The following GFM2 variants were observed in gnomAD, a reference collection of about 807,000 sequenced individuals.
GFM2 encodes the protein ribosome-releasing factor 2, mitochondrial.
GFM2 carries 72 observed loss-of-function variants against 95.4 expected under a neutral mutation model. The observed-to-expected ratio is 0.76, with a 90% CI of 0.62 to 0.92. The LOEUF is 0.92. GFM2 is among the 40% of genes least tolerant of loss of function. The pLI is 0.00. For synonymous variants in GFM2, 276 were observed against 317.5 expected, an observed-to-expected ratio of 0.87 and a Z score of 1.39; for missense variants, 825 against 924.1, an observed-to-expected ratio of 0.89 and a Z score of 1.39.
intron 10 of GFM2, among the ~76,000 whole-genome samples, chr5:74,744,961 T>C (rs1421398108): frequency 6.6e-6 from 1 of 152,176 alleles, no homozygotes; most frequent in Non-Finnish European, 1.5e-5. Flanking sequence ...AGCAATGTCA[T>C]AAAATACAAA....
intron 17 of GFM2, among the ~76,000 whole-genome samples, chr5:74,726,486 C>T (rs774073960): frequency 6.6e-6 from 1 of 152,084 alleles, no homozygotes; most frequent in Non-Finnish European, 1.5e-5. Flanking sequence ...AATGATAAAA[C>T]CTTTACAAAT....
chr5:74,727,154 C>G (rs1374085127), intron 17 of GFM2, among the ~76,000 whole-genome samples: 1 of 152,040 alleles, frequency 6.6e-6, no homozygotes, highest in East Asian at 1.9e-4. Context: ...CTCAACAGAG[C>G]AAGACATTGT....
Position 74,728,676 on chromosome 5 carries a change from C to T in GFM2, c.1726+1584G>A, listed in dbSNP as rs557231446. ...CTATTGTTTCTATTGCCTTTTTGCT[C>T]ATTGTGCTTTTTCTCATGGTTTTCT... On this transcript the variant is annotated intron_variant, in intron 17 of 20. Coordinates refer to ENST00000296805, the MANE Select transcript of GFM2 (RefSeq NM_032380.5). Among the ~76,000 whole-genome samples, 3 of 148,866 alleles carry T rather than the reference C, an allele frequency of 2.0e-5. 1 individual carries two copies. The South Asian group carries it at 6.5e-4, about 32-fold the overall frequency.
intron 1 of GFM2, 28 bp from the exon 2 acceptor site, chr5:74,763,794 A>T (rs766593015): frequency 7.2e-7 from 1 of 1,389,806 alleles, no homozygotes; most frequent in Non-Finnish European, 1.0e-6. Context: ...CAAAATCAAA[A>T]AACTAAACTT....
intron 1 of GFM2, among the ~76,000 whole-genome samples, chr5:74,765,725 G>A (rs1363402704): frequency 6.6e-6 from 1 of 152,110 alleles, no homozygotes; most frequent in East Asian, 1.9e-4. Flanking sequence ...GGCGGGGCTC[G>A]GTGGCTCACG....
Position 74,721,646 on chromosome 5 carries a change from C to CTAAAACA in GFM2, c.*2_*8dup. On this transcript the variant is annotated 3_prime_UTR_variant, in exon 21 of 21. Coordinates refer to ENST00000296805, the MANE Select transcript of GFM2 (RefSeq NM_032380.5). ...GTGCTCCTGAATTTCTCTCCAAAAA[C>CTAAAACA]TAAAACATTTAGGTCAAACCACTTC... The CTAAAACA allele has an allele frequency of 1.9e-6, 3 of 1,605,738 alleles. No individual in the cohort carries two copies. The highest frequency in any genetic ancestry group is 2.5e-6 in the Non-Finnish European group (3 of 1,177,632).
At chr5:74,722,931 G>A (rs552548896) in intron 19 of GFM2, among the ~76,000 whole-genome samples, 1 of 151,842 alleles carries the variant, frequency 6.6e-6, no homozygotes, top group African/African-American at 2.4e-5. Context: ...AAAGGGGAGA[G>A]CTTAAAAAAA....
chr5:74,730,184 A>T, intron 17 of GFM2, 76 bp downstream of exon 17: 1 of 1,378,006 alleles, frequency 7.3e-7, no homozygotes, highest in Non-Finnish European at 9.8e-7. Flanking sequence ...GACTATGAAC[A>T]CTGCTTTCAG....
rs996253429 is a variant in GFM2, at chr5:74,738,354, A to G, written c.1284T>C (p.Thr428=). Residue 428 remains threonine, a synonymous_variant, in exon 14 of 21, where the codon ACT becomes ACC. Coordinates refer to ENST00000296805, the MANE Select transcript of GFM2 (RefSeq NM_032380.5). ...CAACAGTCAAAGCAATGTTACCAGC[A>G]GTCAATGAAGGGATTTCTACATGTT... is the stretch of plus-strand genomic sequence containing the variant. ...ADQHVEIPSL[T]AGNIALTVGL... The G allele has an allele frequency of 1.2e-6, 2 of 1,613,662 alleles. No individual in the cohort carries two copies. Among genetic ancestry groups the G allele is most frequent in the Non-Finnish European group, 8.5e-7 (1 of 1,179,658 alleles).
intron 15 of GFM2, among the ~76,000 whole-genome samples, chr5:74,733,560 A>C (rs1376374764): frequency 2.6e-5 from 4 of 152,146 alleles, no homozygotes; most frequent in Admixed American, 6.5e-5. Flanking sequence ...TGGGAAAAAG[A>C]GCAAGAAGAC....
Position 74,740,125 on chromosome 5 carries a change from T to C in GFM2, c.943A>G (p.Ile315Val). The C allele has an allele frequency of 6.3e-7, 1 of 1,599,252 alleles. No individual in the cohort carries two copies. The highest frequency in any genetic ancestry group is 8.5e-7 in the Non-Finnish European group (1 of 1,175,044). ...LLPAEKLQTAIHRVTLAQTAV... is the reference protein window; with the variant it reads ...LLPAEKLQTAVHRVTLAQTAV... ...GTCTGAGCTAGTGTCACTCTATGTA[T>C]TGCAGTCTGTAGCTACAGAGCAGAG... The change falls in exon 12 of 21, where the codon ATA (isoleucine) becomes GTA (valine). Residue 315 changes from isoleucine to valine, a missense_variant. Physicochemically the swap from Ile to Val is conservative, Grantham distance 29. Transcript: ENST00000296805.
intron 12 of GFM2, 107 bp downstream of exon 12, chr5:74,739,878 ACACT>A: frequency 2.7e-6 from 2 of 731,770 alleles, no homozygotes; most frequent in Non-Finnish European, 4.3e-6. Context: ...ATTTGCAATA[ACACT>A]CACCACTATT....
rs73762945 is a variant in GFM2 at position 74,747,252 on chromosome 5, G to A, written c.608+440C>T. ...CATTCTCTTCTTCCAGTTCTTTATT[G>A]ACAGTATCTTACCCAGTAGCTAAGA... On this transcript the variant is annotated intron_variant, in intron 8 of 20. Transcript: ENST00000296805. Among the ~76,000 whole-genome samples, 413 of 152,186 alleles carry A rather than the reference G, an allele frequency of 2.7e-3. 1 individual carries two copies. The highest frequency in any genetic ancestry group is 9.6e-3 in the African/African-American group (397 of 41,516).
chr5:74,722,468 G>C lies in GFM2; in HGVS notation c.2122C>G (p.Leu708Val), dbSNP rs1749948023. 1.9e-6 allele frequency: 3 copies of C among 1,613,886 alleles called. No homozygotes were observed. The highest frequency in any genetic ancestry group is 2.2e-5 in the East Asian group (1 of 44,856). Residue 708 changes from leucine (L) to valine (V), a missense_variant, in exon 20 of 21, where the codon CTG becomes GTG. By Grantham distance (32) the Leu-to-Val change is conservative. Transcript: ENST00000296805. ...RDYLSPVLAD[L>V]AQRRGNIQEI... ...TGAATGTTTCCTCTTCTTTGTGCCA[G>C]ATCTGCCAGGACAGGGCTGAGATAA...
At chr5:74,731,254 C>A (rs185292533) in intron 16 of GFM2, among the ~76,000 whole-genome samples, 78 of 152,334 alleles carry the variant, frequency 5.1e-4, no homozygotes, top group Non-Finnish European at 8.2e-4. Flanking sequence ...GGGCACTTTA[C>A]AGCTTTGTAA....
chr5:74,746,120 CTTTGCCTTT>C lies in GFM2; in HGVS notation c.645_653del (p.Lys216_Lys218del). ...ACCAATTTACCTGTAAAAGCAAAGG[CTTTGCCTTT>C]AACTTCTCTCTGATGCTTTCAACTG... is the stretch of plus-strand genomic sequence containing the variant. On this transcript the variant is annotated inframe_deletion, in exon 9 of 21. Coordinates refer to ENST00000296805, the MANE Select transcript of GFM2 (RefSeq NM_032380.5). The C allele has an allele frequency of 6.4e-7, 1 of 1,552,570 alleles. No homozygotes were observed. Among genetic ancestry groups the C allele is most frequent in the African/African-American group, 1.4e-5 (1 of 71,984 alleles).
intron 2 of GFM2, 120 bp from the exon 3 acceptor site, chr5:74,761,106 C>A: frequency 1.7e-6 from 1 of 603,870 alleles, no homozygotes; most frequent in Non-Finnish European, 2.9e-6. Context: ...TAAAGTAGTC[C>A]TAATTTATTA....
At chr5:74,750,799 C>T in intron 6 of GFM2, 132 bp from the exon 7 acceptor site, 3 of 632,164 alleles carry the variant, frequency 4.7e-6, no homozygotes, top group South Asian at 2.0e-5. Context: ...GTATTGAAAG[C>T]AGAGTCTCAG....
intron 10 of GFM2, among the ~76,000 whole-genome samples, chr5:74,745,272 G>C (rs1328084503): frequency 6.6e-6 from 1 of 152,202 alleles, no homozygotes; most frequent in Non-Finnish European, 1.5e-5. Context: ...TGGAACCTGG[G>C]AGGTAGAGGC....
Sources: gnomAD v4.1 joint callset for allele counts (sites outside exome capture counted in the v4.1 genomes callset) on GRCh38, gnomAD v4.1.1 for gene constraint, MANE v1.5 for transcripts, NCBI Gene and HGNC (gene_info 2026-07-23, HGNC 2026-07-21) for gene names.